The following KCTD6 variants were observed in gnomAD, a reference collection of about 807,000 sequenced individuals.
The protein encoded by KCTD6 is BTB/POZ domain-containing protein KCTD6.
KCTD6 carries 6 observed loss-of-function variants against 18.7 expected under a neutral mutation model. The ratio of observed to expected loss-of-function variants is 0.32; its 90% CI spans 0.18 to 0.63. The LOEUF is 0.63. KCTD6 is among the 30% of genes least tolerant of loss of function. The pLI, the probability that KCTD6 is intolerant of heterozygous loss-of-function variation, is 0.79. For synonymous variants in KCTD6, 86 were observed against 108.5 expected, an observed-to-expected ratio of 0.79 and a Z score of 1.29; for missense variants, 165 against 300.2, an observed-to-expected ratio of 0.55 and a Z score of 3.33.
At position 58,498,499 on chromosome 3, in the gene KCTD6, T is replaced by A. The variant is rs1053397992; in HGVS notation, c.-43-214T>A. The A allele has an allele frequency of 2.7e-5, 13 of 473,102 alleles. No individual in the cohort carries two copies. In the South Asian group the frequency reaches 3.6e-4, roughly 13 times the overall value. The allele number at this position is 473,102 out of a possible 1,614,324, so 29.3% of individuals were successfully genotyped here. ...CTCTGAAAATCTTCAGTCTCTTAGT[T>A]CCAGATGGGTTCTCTATGGTAAGAA... On this transcript the variant is annotated intron_variant, in intron 1 of 2. Coordinates refer to ENST00000404589, the MANE Select transcript of KCTD6 (RefSeq NM_001128214.2). The surrounding 1 kb of genome is among the most constrained non-coding windows in gnomAD (Gnocchi z 4.6).
rs2063187307 is a variant in KCTD6 at position 58,498,016 on chromosome 3, C to T, written c.-43-697C>T. On this transcript the variant is annotated intron_variant, in intron 1 of 2. Coordinates refer to ENST00000404589, the MANE Select transcript of KCTD6 (RefSeq NM_001128214.2). This position sits in a 1 kb window ranked among gnomAD's most constrained non-coding sequence, Gnocchi z 4.6. ...TTTTTTTTTGAGATGGAGTCTCGCA[C>T]TGTTGCAGGGGCTGGTGTGCAGTGG... 6.8e-6 allele frequency: 1 copy of T among 146,678 alleles called. No homozygotes were observed. Among genetic ancestry groups the T allele is most frequent in the African/African-American group, 2.5e-5 (1 of 39,652 alleles). 9.1% of individuals were successfully genotyped at this position (146,678 alleles called of 1,614,324 possible).
chr3:58,501,461 C>T lies in KCTD6; in HGVS notation c.543C>T (p.Pro181=). The change falls in exon 3 of 3, where the codon CCC becomes CCT. Residue 181 remains proline (P), a synonymous_variant. Transcript: ENST00000404589. The surrounding 1 kb of genome is among the most constrained non-coding windows in gnomAD (Gnocchi z 9.7). The part of the protein sequence containing the change: ...RDCQVSFTFG[P]CDYHQEVSLR... Reference sequence around the variant, plus strand: ...GCCAGGTTTCCTTTACTTTTGGACCCTGTGATTATCACCAGGAAGTTTCTC... The same window carrying T: ...GCCAGGTTTCCTTTACTTTTGGACCTTGTGATTATCACCAGGAAGTTTCTC... The T allele has an allele frequency of 1.3e-6, 2 of 1,521,572 alleles. No individual in the cohort carries two copies. Among genetic ancestry groups the T allele is most frequent in the Non-Finnish European group, 1.8e-6 (2 of 1,138,378 alleles). The allele number at this position is 1,521,572 out of a possible 1,614,324, so 94.3% of individuals were successfully genotyped here. A position where few individuals can be genotyped will look rare whatever the true frequency, so the allele number is the denominator to read the frequency against.
chr3:58,501,816 C>T lies in KCTD6; in HGVS notation c.*184C>T, dbSNP rs575185266. ...CTCCTCCATGTTTTGTTCCCTTCCC[C>T]CTGAGTATGCATGTGCCTGTTCAGA... On this transcript the variant is annotated 3_prime_UTR_variant, in exon 3 of 3. Transcript: ENST00000404589. This position sits in a 1 kb window ranked among gnomAD's most constrained non-coding sequence, Gnocchi z 9.7. 10 of 399,732 alleles carry T rather than the reference C, an allele frequency of 2.5e-5. 1 individual carries two copies. In the South Asian group the frequency reaches 1.4e-3, roughly 57 times the overall value. 24.8% of individuals were successfully genotyped at this position (399,732 alleles called of 1,614,324 possible). A position where few individuals can be genotyped will look rare whatever the true frequency, so the allele number is the denominator to read the frequency against.
intron 1 of KCTD6, chr3:58,494,539 T>C (rs368872492): frequency 5.3e-5 from 8 of 152,188 alleles, no homozygotes; most frequent in African/African-American, 1.7e-4. Context: ...TTATTATTCG[T>C]TGGAGGTTTT....
chr3:58,494,393 C>T (rs1205248375), intron 1 of KCTD6: 1 of 152,080 alleles, frequency 6.6e-6, no homozygotes, highest in East Asian at 1.9e-4. Context: ...AAACTCAATA[C>T]AAGGCAATTT....
In KCTD6 at chr3:58,501,157, C is replaced by T; in HGVS notation, c.239C>T (p.Pro80Leu). The change falls in exon 3 of 3, where the codon CCG becomes CTG. Residue 80 changes from proline (P) to leucine (L), a missense_variant. By Grantham distance (98) the Pro-to-Leu change is moderately conservative. Around this residue, in one of 2 missense-constraint regions of KCTD6, gnomAD observed 106 missense variants for 230.4 expected, o/e 0.46. Transcript: ENST00000404589. The surrounding 1 kb of genome is among the most constrained non-coding windows in gnomAD (Gnocchi z 9.7). ...TTAAGAACTTCAGAATTGACCTTAC[C>T]GTTGGATTTTAAGGAATTTGATCTG... is the stretch of plus-strand genomic sequence containing the variant. ...NFLRTSELTL[P>L]LDFKEFDLLR... is the part of the protein sequence containing the mutation. 6.2e-7 allele frequency: 1 copy of T among 1,613,962 alleles called. No homozygotes were observed. Among genetic ancestry groups the T allele is most frequent in the Non-Finnish European group, 8.5e-7 (1 of 1,179,970 alleles).
chr3:58,501,336 A>G lies in KCTD6; in HGVS notation c.418A>G (p.Ile140Val), dbSNP rs2063203876. 6.2e-7 allele frequency: 1 copy of G among 1,608,148 alleles called. No individual in the cohort carries two copies. Among genetic ancestry groups the G allele is most frequent in the Admixed American group, 1.7e-5 (1 of 58,560 alleles). Residue 140 changes from isoleucine to valine, a missense_variant, in exon 3 of 3, where the codon ATA (isoleucine) becomes GTA (valine). Physicochemically the swap from Ile to Val is conservative, Grantham distance 29 (BLOSUM62 3). Coordinates refer to ENST00000404589, the MANE Select transcript of KCTD6 (RefSeq NM_001128214.2). This position sits in a 1 kb window ranked among gnomAD's most constrained non-coding sequence, Gnocchi z 9.7. Reference protein sequence around the residue: ...SKYSNPVAVIITQLTITTKVH... With the variant: ...SKYSNPVAVIVTQLTITTKVH... Reference sequence around the variant, plus strand: ...GTACTCCAACCCAGTGGCTGTCATCATAACGCAACTAACCATCACCACTAA... The same window carrying G: ...GTACTCCAACCCAGTGGCTGTCATCGTAACGCAACTAACCATCACCACTAA...
At chr3:58,499,278 T>C (rs1185544706) in intron 2 of KCTD6, among the ~76,000 whole-genome samples, 1 of 152,216 alleles carries the variant, frequency 6.6e-6, no homozygotes, top group Non-Finnish European at 1.5e-5. Context: ...CTTTTTATAA[T>C]CACTGGAGAG....
Position 58,498,581 on chromosome 3 carries a change from T to C in KCTD6, c.-43-132T>C. 1 of 641,910 alleles carries C rather than the reference T, an allele frequency of 1.6e-6. No homozygotes were observed. The highest frequency in any genetic ancestry group is 1.9e-5 in the South Asian group (1 of 52,592). The allele number at this position is 641,910 out of a possible 1,614,324, so 39.8% of individuals were successfully genotyped here. ...CTTTCTTCCCCAGATCTTTGCCCTG[T>C]AGTAGGTTTCAGCTGAGCAAGGACG... On this transcript the variant is annotated intron_variant, in intron 1 of 2. Transcript: ENST00000404589. The surrounding 1 kb of genome is among the most constrained non-coding windows in gnomAD (Gnocchi z 4.6).
rs2107971705 is a variant in KCTD6, at chr3:58,492,103, C to T, written c.-110C>T. On this transcript the variant is annotated 5_prime_UTR_variant, in exon 1 of 3. Transcript: ENST00000404589. The surrounding 1 kb of genome is among the most constrained non-coding windows in gnomAD (Gnocchi z 6.1). ...GTCGCCGGGCGCGGGCTCGCTTGTC[C>T]CCGCGCTCGCGCTCTCCGGCCGCGG... The T allele has an allele frequency of 1.3e-5, 2 of 148,986 alleles. No individual in the cohort carries two copies. Among genetic ancestry groups the T allele is most frequent in the South Asian group, 3.5e-4 (2 of 5,640 alleles). The allele number at this position is 148,986 out of a possible 1,614,324, so 9.2% of individuals were successfully genotyped here. A position where few individuals can be genotyped will look rare whatever the true frequency, so the allele number is the denominator to read the frequency against.
intron 2 of KCTD6, among the ~76,000 whole-genome samples, chr3:58,499,581 T>G (rs954488722): frequency 6.8e-6 from 1 of 147,228 alleles, no homozygotes; most frequent in Non-Finnish European, 1.5e-5. Flanking sequence ...AGGGTCTTGC[T>G]CTTTTCCCTA....
In KCTD6 at chr3:58,498,740, C is replaced by T. The variant is rs1487650977; in HGVS notation, c.-16C>T. 5.0e-6 allele frequency: 8 copies of T among 1,609,244 alleles called. No individual in the cohort carries two copies. Among genetic ancestry groups the T allele is most frequent in the Non-Finnish European group, 6.8e-6 (8 of 1,176,522 alleles). On this transcript the variant is annotated 5_prime_UTR_variant, in exon 2 of 3. The change creates a new upstream start codon in the 5' untranslated region. Coordinates refer to ENST00000404589, the MANE Select transcript of KCTD6 (RefSeq NM_001128214.2). This position sits in a 1 kb window ranked among gnomAD's most constrained non-coding sequence, Gnocchi z 4.6. ...TCCCTGAAACCTGGGCTCTTGAAGA[C>T]GCATCACTGGAGCAGATGGATAATG...
rs2063205590 is a variant in KCTD6 at position 58,501,716 on chromosome 3, T to G, written c.*84T>G. The G allele has an allele frequency of 2.0e-6, 2 of 981,972 alleles. No homozygotes were observed. The highest frequency in any genetic ancestry group is 2.7e-6 in the Non-Finnish European group (2 of 744,034). The allele number at this position is 981,972 out of a possible 1,614,324, so 60.8% of individuals were successfully genotyped here. On this transcript the variant is annotated 3_prime_UTR_variant, in exon 3 of 3. Transcript: ENST00000404589. The surrounding 1 kb of genome is among the most constrained non-coding windows in gnomAD (Gnocchi z 9.7). ...TTTTTTTTTAAATCACAGTGTGAGA[T>G]ATTTTTTTTCTTTTAAATAGTTGTA...
At position 58,499,928 on chromosome 3, in the gene KCTD6, T is replaced by G. The variant is rs546594044; in HGVS notation, c.28-1018T>G. On this transcript the variant is annotated intron_variant, in intron 2 of 2. Coordinates refer to ENST00000404589, the MANE Select transcript of KCTD6 (RefSeq NM_001128214.2). ...CAGAATTAAAGGCCAGATTGCAGCA[T>G]TAATGTTACAAAAGTGAATACACTA... Among the ~76,000 whole-genome samples the G allele has an allele frequency of 6.6e-5, 10 of 152,310 alleles. 1 individual carries two copies. The South Asian group carries it at 2.1e-3, about 32-fold the overall frequency.
At chr3:58,494,723 G>A (rs1006342521) in intron 1 of KCTD6, among the ~76,000 whole-genome samples, 5 of 152,194 alleles carry the variant, frequency 3.3e-5, no homozygotes, top group South Asian at 4.1e-4. Context: ...GGGTTCTTAG[G>A]TTATTTTTTT....
chr3:58,494,135 A>G (rs533652232), intron 1 of KCTD6: 1 of 152,326 alleles, frequency 6.6e-6, no homozygotes, highest in African/African-American at 2.4e-5. Flanking sequence ...TTTTAAACCT[A>G]TAGCTTCTCT....
At position 58,498,888 on chromosome 3, in the gene KCTD6, A is replaced by G. The variant is rs778596854; in HGVS notation, c.27+106A>G. On this transcript the variant is annotated intron_variant, in intron 2 of 2. Transcript: ENST00000404589. This position sits in a 1 kb window ranked among gnomAD's most constrained non-coding sequence, Gnocchi z 4.6. The stretch of plus-strand genomic sequence containing the variant: ...TATCTTATAAGAAAAGAAAATTGTG[A>G]ATTTGTGTAACCTCTCTTCCCCCTT... The G allele has an allele frequency of 1.7e-5, 16 of 916,706 alleles. No homozygotes were observed. Among genetic ancestry groups the G allele is most frequent in the Non-Finnish European group, 2.5e-5 (15 of 590,228 alleles). 56.8% of individuals were successfully genotyped at this position (916,706 alleles called of 1,614,324 possible). A position where few individuals can be genotyped will look rare whatever the true frequency, so the allele number is the denominator to read the frequency against.
At chr3:58,495,088 A>G (rs2107973624) in intron 1 of KCTD6, among the ~76,000 whole-genome samples, 1 of 152,312 alleles carries the variant, frequency 6.6e-6, no homozygotes, top group East Asian at 1.9e-4. Context: ...GTCTTTCAAA[A>G]CCATCTTTAG....
chr3:58,498,995 A>C lies in KCTD6; in HGVS notation c.27+213A>C, dbSNP rs937017281. 6.6e-6 allele frequency among the ~76,000 whole-genome samples: 1 copy of C among 150,658 alleles called. No homozygotes were observed. The highest frequency in any genetic ancestry group is 2.4e-5 in the African/African-American group (1 of 41,056). On this transcript the variant is annotated intron_variant, in intron 2 of 2. Transcript: ENST00000404589. The surrounding 1 kb of genome is among the most constrained non-coding windows in gnomAD (Gnocchi z 4.6). ...TTTTTATTTAATTTTTTTTATGTGG[A>C]GTCTCGCCTTCTTGCCCAGGCTGGA...
Sources: allele counts gnomAD v4.1 joint callset (sites outside exome capture counted in the v4.1 genomes callset), GRCh38; gene constraint gnomAD v4.1.1; regional missense constraint gnomAD v4.1.1; non-coding constraint Gnocchi (gnomAD v3.1); transcripts MANE v1.5; gene names NCBI Gene and HGNC (gene_info 2026-07-23, HGNC 2026-07-21).